IL17D: variants seen among roughly 807,000 people sequenced by gnomAD.
IL17D encodes interleukin-17D.
Under a neutral mutation model 5.7 loss-of-function variants are expected in IL17D, and 10 were observed. The observed-to-expected ratio is 1.75, with a 90% CI of 1.08 to 2.97. The LOEUF (loss-of-function observed/expected upper bound fraction) is 2.97, where lower values mean the gene tolerates loss of function less well. Among genes scored for constraint, IL17D ranks in the 30% most tolerant of loss-of-function variants. The probability of loss-of-function intolerance (pLI) is 0.00; values close to 1 mark genes in which losing one functional copy is unlikely to be tolerated. For synonymous variants in IL17D, 172 were observed against 141.7 expected (o/e 1.21, Z -1.52); for missense variants, 354 against 292.7 (o/e 1.21, Z -1.53).
At chr13:20,702,433 C>T (rs2058552755), upstream of IL17D, 2 of 152,236 alleles carry the variant, frequency 1.3e-5, no homozygotes, top group Non-Finnish European at 1.5e-5. Flanking sequence ...TCATCAATTA[C>T]ATATTTTGTA....
intron 1 of IL17D, among the ~76,000 whole-genome samples, chr13:20,709,603 G>A (rs558079072): frequency 9.9e-5 from 15 of 152,148 alleles, no homozygotes; most frequent in Admixed American, 5.9e-4. Context: ...ACACATACAC[G>A]CACACAGGCA....
rs1187209601 is a variant in IL17D, at chr13:20,703,740, GGGC to G, written c.-247_-245del. On this transcript the variant is annotated 5_prime_UTR_variant, in exon 1 of 2. Coordinates refer to ENST00000682841, the MANE Select transcript of IL17D (RefSeq NM_001385224.1). Reference sequence around the variant, plus strand: ...CGCCCCCCGTGCGGCCCCCGGCTCGGGGCGGCGGCGGCGGCGGGGGCCGGGGGC... The same window carrying G: ...CGCCCCCCGTGCGGCCCCCGGCTCGGGGCGGCGGCGGCGGGGGCCGGGGGC... 3 of 146,318 alleles carry G rather than the reference GGGC, an allele frequency of 2.1e-5. No individual in the cohort carries two copies. The highest frequency in any genetic ancestry group is 3.0e-5 in the Non-Finnish European group (2 of 66,184). The allele number at this position is 146,318 out of a possible 1,614,324, so 9.1% of individuals were successfully genotyped here.
At chr13:20,708,973 AAAAAAG>A (rs1295200301) in intron 1 of IL17D, among the ~76,000 whole-genome samples, 11 of 144,628 alleles carry the variant, frequency 7.6e-5, no homozygotes, top group African/African-American at 2.5e-4. Flanking sequence ...AAAAAAAAAA[AAAAAAG>A]AAAGAAAGAA....
intron 1 of IL17D, among the ~76,000 whole-genome samples, chr13:20,704,804 G>T (rs1051131572): frequency 4.2e-4 from 64 of 152,160 alleles, no homozygotes; most frequent in Non-Finnish European, 8.1e-4. Flanking sequence ...GCTGCTGGGG[G>T]GTGCGCGGTA....
At chr13:20,702,111 T>TA (rs1325614686), upstream of IL17D, 3 of 152,128 alleles carry the variant, frequency 2.0e-5, no homozygotes, top group South Asian at 2.1e-4. Flanking sequence ...TTTTTTCCAA[T>TA]AAAAAATAAG....
chr13:20,719,826 T>C (rs985739187), intron 1 of IL17D, among the ~76,000 whole-genome samples: 1 of 152,184 alleles, frequency 6.6e-6, no homozygotes, highest in South Asian at 2.1e-4. Flanking sequence ...TGCATGTGTT[T>C]GATAAATGAT....
intron 1 of IL17D, among the ~76,000 whole-genome samples, chr13:20,714,956 G>A (rs1468527058): frequency 6.6e-6 from 1 of 152,190 alleles, no homozygotes; most frequent in African/African-American, 2.4e-5. Flanking sequence ...AGCCACCAGA[G>A]CCCTACTATA....
rs1222474678 is a variant in IL17D at position 20,721,934 on chromosome 13, G to A, written c.589G>A (p.Asp197Asn). 6.3e-7 allele frequency: 1 copy of A among 1,597,790 alleles called. No homozygotes were observed. ...CGCCAAGCTCCTGCTGGGCCCCAAC[G>A]ACGCGCCCGCTGGCCCCTGAGGCCG... The part of the protein sequence containing the change: ...QGAKLLLGPN[D>N]APAGP Residue 197 changes from aspartate to asparagine, a missense_variant, in exon 2 of 2, where the codon GAC becomes AAC. Transcript: ENST00000682841.
intron 1 of IL17D, among the ~76,000 whole-genome samples, chr13:20,718,788 A>C (rs2058705966): frequency 7.5e-6 from 1 of 132,720 alleles, no homozygotes; most frequent in Admixed American, 7.7e-5. Flanking sequence ...ACACACCCAC[A>C]CACACCTGCC....
chr13:20,713,703 C>T (rs952137764), intron 1 of IL17D: 3 of 152,168 alleles, frequency 2.0e-5, no homozygotes, highest in Non-Finnish European at 4.4e-5. Context: ...CTAATGCCAA[C>T]AGAATGATTT....
At chr13:20,720,567 G>A (rs1317786304) in intron 1 of IL17D, among the ~76,000 whole-genome samples, 2 of 152,000 alleles carry the variant, frequency 1.3e-5, no homozygotes, top group Admixed American at 6.6e-5. Context: ...TGCCCTCTCC[G>A]GTGCCTTCAC....
chr13:20,708,485 A>C (rs2058607401), intron 1 of IL17D, among the ~76,000 whole-genome samples: 2 of 152,172 alleles, frequency 1.3e-5, no homozygotes, highest in Admixed American at 1.3e-4. Context: ...AAACACAAGC[A>C]ATTATATTTA....
At chr13:20,706,286 C>T (rs1449827296) in intron 1 of IL17D, among the ~76,000 whole-genome samples, 1 of 152,240 alleles carries the variant, frequency 6.6e-6, no homozygotes, top group Non-Finnish European at 1.5e-5. Context: ...GGATGGACTA[C>T]GGCATTCTTC....
At chr13:20,721,603 A>G in intron 1 of IL17D, 33 bp from the exon 2 acceptor site, 1 of 1,540,968 alleles carries the variant, frequency 6.5e-7, no homozygotes. Flanking sequence ...GGCTGCCCCC[A>G]GGCGTGACCT....
chr13:20,704,205 C>G lies in IL17D; in HGVS notation c.204C>G (p.Asn68Lys). The change falls in exon 1 of 2, where the codon AAC becomes AAG. Residue 68 changes from asparagine (N) to lysine (K), a missense_variant. By Grantham distance (94) the Asn-to-Lys change is moderately conservative (BLOSUM62 0). Coordinates refer to ENST00000682841, the MANE Select transcript of IL17D (RefSeq NM_001385224.1). ...TGGGGCCGCGTGAGCAGGCGCGCAA[C>G]GCGAGCTGCCCGGCAGGGGGCAGGC... is the stretch of plus-strand genomic sequence containing the variant. ...LQLGPREQAR[N>K]ASCPAGGRPA... 7.3e-7 allele frequency: 1 copy of G among 1,371,828 alleles called. No homozygotes were observed. The highest frequency in any genetic ancestry group is 9.5e-7 in the Non-Finnish European group (1 of 1,057,484). 85.0% of individuals were successfully genotyped at this position (1,371,828 alleles called of 1,614,324 possible). A position where few individuals can be genotyped will look rare whatever the true frequency, so the allele number is the denominator to read the frequency against.
Position 20,722,037 on chromosome 13 carries a change from C to T in IL17D, c.*83C>T. ...GCCGCCTGGAGGGCTCGGTCGGCGA[C>T]CTCTGAAGAGAGTGCACCGAGCAAA... On this transcript the variant is annotated 3_prime_UTR_variant, in exon 2 of 2. Coordinates refer to ENST00000682841, the MANE Select transcript of IL17D (RefSeq NM_001385224.1). 1 of 1,219,612 alleles carries T rather than the reference C, an allele frequency of 8.2e-7. No individual in the cohort carries two copies. 75.5% of individuals were successfully genotyped at this position (1,219,612 alleles called of 1,614,324 possible).
At chr13:20,712,967 C>G (rs895384375) in intron 1 of IL17D, 1 of 151,180 alleles carries the variant, frequency 6.6e-6, no homozygotes, top group Non-Finnish European at 1.5e-5. Flanking sequence ...CTCTCTCCCT[C>G]CCTCCCTTCT....
At chr13:20,710,446 T>C in intron 1 of IL17D, among the ~76,000 whole-genome samples, 1 of 80,766 alleles carries the variant, frequency 1.2e-5, no homozygotes, top group Non-Finnish European at 2.7e-5. Context: ...AAACCCCATC[T>C]CTACTAAAAA....
In IL17D at chr13:20,716,710, C is replaced by T. The variant is rs759423793; in HGVS notation, c.291-4926C>T. 7.9e-5 allele frequency among the ~76,000 whole-genome samples: 12 copies of T among 152,226 alleles called. No homozygotes were observed. The highest frequency in any genetic ancestry group is 1.3e-4 in the Non-Finnish European group (9 of 68,044). ...ATTGACCTTCGGATCTGGCGAGCCA[C>T]GCTACCGAGGCAGGCTGTCTCCACG... On this transcript the variant is annotated intron_variant, in intron 1 of 1. Coordinates refer to ENST00000682841, the MANE Select transcript of IL17D (RefSeq NM_001385224.1). The surrounding 1 kb of genome is among the most constrained non-coding windows in gnomAD (Gnocchi z 4.2).
Sources: gnomAD v4.1 joint callset for allele counts (sites outside exome capture counted in the v4.1 genomes callset) on GRCh38, gnomAD v4.1.1 for gene constraint, Gnocchi (gnomAD v3.1) non-coding constraint, MANE v1.5 for transcripts, NCBI Gene and HGNC (gene_info 2026-07-23, HGNC 2026-07-21) for gene names.